Variants in SV2B observed in about 807,000 individuals in gnomAD.
SV2B encodes synaptic vesicle glycoprotein 2B.
SV2B carries 41 observed loss-of-function variants against 73.9 expected under a neutral mutation model. The ratio of observed to expected loss-of-function variants is 0.56; its 90% confidence interval spans 0.43 to 0.72. The LOEUF (loss-of-function observed/expected upper bound fraction) is 0.72. Ranked by LOEUF, SV2B falls within the 30% of genes least tolerant of loss-of-function variation. SV2B has a pLI of 0.00. For missense variants in SV2B, 764 were observed against 857.8 expected (o/e 0.89, Z 1.37); for synonymous variants, 314 against 314.2 (o/e 1.00, Z 0.01).
Position 91,173,719 on chromosome 15 carries a change from A to T in SV2B, c.-391-52154A>T, listed in dbSNP as rs567533523. 8.5e-5 allele frequency among the ~76,000 whole-genome samples: 13 copies of T among 152,356 alleles called. No individual in the cohort carries two copies. In the East Asian group the frequency reaches 1.9e-3, roughly 23 times the overall value. ...AATGACTGGAAGTTCTTCAACAGAA[A>T]GCCCCACAGAAGAAATGCAGGAAAG... On this transcript the variant is annotated intron_variant, in intron 1 of 12. Transcript: ENST00000394232.
At chr15:91,292,273 AC>A (rs1449203379) in intron 12 of SV2B, 95 bp from the exon 13 acceptor site, 1 of 1,278,366 alleles carries the variant, frequency 7.8e-7, no homozygotes, top group Non-Finnish European at 1.1e-6. Flanking sequence ...ACTCCCTTGC[AC>A]CCTCTTCCCC....
At chr15:91,225,536 A>AT (rs1200351013) in intron 1 of SV2B, among the ~76,000 whole-genome samples, 1 of 151,796 alleles carries the variant, frequency 6.6e-6, no homozygotes, top group Non-Finnish European at 1.5e-5. Context: ...ATTTTATTTT[A>AT]TTTTTTTATT....
At chr15:91,235,390 A>G (rs990723776) in intron 2 of SV2B, among the ~76,000 whole-genome samples, 2 of 152,200 alleles carry the variant, frequency 1.3e-5, no homozygotes, top group African/African-American at 4.8e-5. Flanking sequence ...AGGGTTGACT[A>G]TTACAAAGCT....
Position 91,301,469 on chromosome 15 carries a change from T to C in SV2B, c.*8917T>C, listed in dbSNP as rs533758027. Among the ~76,000 whole-genome samples the C allele has an allele frequency of 8.7e-4, 133 of 152,342 alleles. 1 individual carries two copies. Among genetic ancestry groups the C allele is most frequent in the Non-Finnish European group, 1.6e-3 (107 of 68,028 alleles). ...TAGTAACAGTTGATCTGGTGATTGG[T>C]GAATACAGTTTAATCTTTAATACCT... On this transcript the variant is annotated 3_prime_UTR_variant, in exon 13 of 13. Transcript: ENST00000394232. The surrounding 1 kb of genome is among the most constrained non-coding windows in gnomAD (Gnocchi z 4.3).
At position 91,136,510 on chromosome 15, in the gene SV2B, C is replaced by T. The variant is rs545971114; in HGVS notation, c.-392+36147C>T. Among the ~76,000 whole-genome samples, 7 of 152,158 alleles carry T rather than the reference C, an allele frequency of 4.6e-5. No individual in the cohort carries two copies. The South Asian group carries it at 6.2e-4, about 14-fold the overall frequency. ...GCTTTGTCCCAGGGAGAGAACTGTG[C>T]GGCGGAGTAAGGCTCTTGACTCAGC... On this transcript the variant is annotated intron_variant, in intron 1 of 12. Transcript: ENST00000394232. The surrounding 1 kb of genome is among the most constrained non-coding windows in gnomAD (Gnocchi z 5.6).
Position 91,132,678 on chromosome 15 carries a change from C to T in SV2B, c.-392+32315C>T, listed in dbSNP as rs1380145691. 3.3e-5 allele frequency among the ~76,000 whole-genome samples: 5 copies of T among 151,788 alleles called. No homozygotes were observed. The East Asian group carries it at 7.7e-4, about 23-fold the overall frequency. On this transcript the variant is annotated intron_variant, in intron 1 of 12. Transcript: ENST00000394232. This position sits in a 1 kb window ranked among gnomAD's most constrained non-coding sequence, Gnocchi z 4.6. ...GGTATGAAACATTTAGGTTTTTTGC[C>T]TCCAGACCCTATTTCTCCTGCCTCA...
At chr15:91,160,787 T>C (rs2043686924) in intron 1 of SV2B, among the ~76,000 whole-genome samples, 1 of 152,118 alleles carries the variant, frequency 6.6e-6, no homozygotes, top group Non-Finnish European at 1.5e-5. Context: ...ATTCATTAAA[T>C]AGTGATGAAA....
At position 91,268,793 on chromosome 15, in the gene SV2B, T is replaced by A. The variant is rs370742036; in HGVS notation, c.1373+188T>A. Reference sequence around the variant, plus strand: ...TCCCCTAGTGGCTGTGTCTGTGTTGTGCTGGCTCCCCGACACCCTAATCTC... The same window carrying A: ...TCCCCTAGTGGCTGTGTCTGTGTTGAGCTGGCTCCCCGACACCCTAATCTC... On this transcript the variant is annotated intron_variant, in intron 9 of 12. Coordinates refer to ENST00000394232, the MANE Select transcript of SV2B (RefSeq NM_001323032.3). This position sits in a 1 kb window ranked among gnomAD's most constrained non-coding sequence, Gnocchi z 4.4. Among the ~76,000 whole-genome samples the A allele has an allele frequency of 1.8e-4, 28 of 152,322 alleles. No homozygotes were observed. In the East Asian group the frequency reaches 4.6e-3, roughly 25 times the overall value.
At chr15:91,247,099 A>G (rs1329632922) in intron 2 of SV2B, among the ~76,000 whole-genome samples, 1 of 152,080 alleles carries the variant, frequency 6.6e-6, no homozygotes, top group African/African-American at 2.4e-5. Flanking sequence ...TCCTTTTCCT[A>G]GACTTCAAAG....
chr15:91,251,729 T>A, intron 2 of SV2B, 90 bp from the exon 3 acceptor site: 2 of 1,394,760 alleles, frequency 1.4e-6, no homozygotes, highest in Middle Eastern at 2.1e-4. Flanking sequence ...CTAGGATAAA[T>A]AAAAATGAAC....
chr15:91,129,801 A>C lies in SV2B; in HGVS notation c.-392+29438A>C, dbSNP rs896448840. Among the ~76,000 whole-genome samples the C allele has an allele frequency of 2.6e-5, 4 of 152,118 alleles. No individual in the cohort carries two copies. The highest frequency in any genetic ancestry group is 9.7e-5 in the African/African-American group (4 of 41,412). On this transcript the variant is annotated intron_variant, in intron 1 of 12. Transcript: ENST00000394232. The surrounding 1 kb of genome is among the most constrained non-coding windows in gnomAD (Gnocchi z 5.1). ...AGAATCCCAGCCCTGCCACTTACTA[A>C]CTGTGTGACCGTAAGTATGGTTTTC... is the stretch of plus-strand genomic sequence containing the variant.
rs1264414886 is a variant in SV2B at position 91,227,303 on chromosome 15, G to T, written c.451+589G>T. ...ATGCTGTGAAGCACAGATGGATTCTGCAGGATAGAGGACCAGCTTTGCAAA... is the reference window on the plus strand; with the variant it reads ...ATGCTGTGAAGCACAGATGGATTCTTCAGGATAGAGGACCAGCTTTGCAAA... On this transcript the variant is annotated intron_variant, in intron 2 of 12. Transcript: ENST00000394232. The surrounding 1 kb of genome is among the most constrained non-coding windows in gnomAD (Gnocchi z 4.5). Among the ~76,000 whole-genome samples the T allele has an allele frequency of 6.6e-6, 1 of 152,204 alleles. No individual in the cohort carries two copies. Among genetic ancestry groups the T allele is most frequent in the Admixed American group, 6.5e-5 (1 of 15,284 alleles).
At chr15:91,212,455 G>A (rs1271935834) in intron 1 of SV2B, among the ~76,000 whole-genome samples, 2 of 152,140 alleles carry the variant, frequency 1.3e-5, no homozygotes, top group Non-Finnish European at 2.9e-5. Context: ...CCCCATGTGA[G>A]TCCCATCATT....
chr15:91,103,539 C>G (rs147498142), intron 1 of SV2B, among the ~76,000 whole-genome samples: 2 of 152,152 alleles, frequency 1.3e-5, no homozygotes, highest in Admixed American at 6.5e-5. Flanking sequence ...TATTTAAAGC[C>G]TCTATCTTAT....
chr15:91,263,318 A>G (rs2141665235), intron 6 of SV2B, among the ~76,000 whole-genome samples: 1 of 152,228 alleles, frequency 6.6e-6, no homozygotes, highest in South Asian at 2.1e-4. Context: ...ACACACGGAC[A>G]CACAGAGGCA....
intron 1 of SV2B, among the ~76,000 whole-genome samples, chr15:91,158,100 T>C (rs1272079482): frequency 6.6e-6 from 1 of 152,208 alleles, no homozygotes; most frequent in African/African-American, 2.4e-5. Flanking sequence ...ATATGGTTCG[T>C]TGGTCCTCAC....
chr15:91,274,831 T>G (rs2048432535), intron 9 of SV2B, among the ~76,000 whole-genome samples: 1 of 152,188 alleles, frequency 6.6e-6, no homozygotes, highest in Non-Finnish European at 1.5e-5. Flanking sequence ...GTTAGGTGTA[T>G]ACATATTTAT....
At position 91,283,940 on chromosome 15, in the gene SV2B, G is replaced by T. The variant is rs1735737213; in HGVS notation, c.1508-81G>T. ...TGGCACAGCCTGCCTACAGGAGGGGGCAGACTTCATCCCTGCCTCTGCCTT... is the reference window on the plus strand; with the variant it reads ...TGGCACAGCCTGCCTACAGGAGGGGTCAGACTTCATCCCTGCCTCTGCCTT... On this transcript the variant is annotated intron_variant, in intron 10 of 12. Transcript: ENST00000394232. This position sits in a 1 kb window ranked among gnomAD's most constrained non-coding sequence, Gnocchi z 4.3. 1.4e-6 allele frequency: 2 copies of T among 1,465,274 alleles called. No homozygotes were observed. The highest frequency in any genetic ancestry group is 1.9e-6 in the Non-Finnish European group (2 of 1,054,230). 90.8% of individuals were successfully genotyped at this position (1,465,274 alleles called of 1,614,324 possible). A position where few individuals can be genotyped will look rare whatever the true frequency, so the allele number is the denominator to read the frequency against.
chr15:91,276,805 G>GTTGTTGTTGTTATTATTA (rs528279430), intron 9 of SV2B, among the ~76,000 whole-genome samples: 1 of 92,096 alleles, frequency 1.1e-5, no homozygotes, highest in African/African-American at 3.4e-5. Context: ...TATTGTTGTT[G>GTTGTTGTTGTTATTATTA]TTATTATTAT....
Sources: allele counts gnomAD v4.1 joint callset (sites outside exome capture counted in the v4.1 genomes callset), GRCh38; gene constraint gnomAD v4.1.1; non-coding constraint Gnocchi (gnomAD v3.1); transcripts MANE v1.5; gene names NCBI Gene and HGNC (gene_info 2026-07-23, HGNC 2026-07-21).